CTIF: variants seen among roughly 807,000 people sequenced by gnomAD.
The protein encoded by CTIF is CBP80/20-dependent translation initiation factor.
CTIF carries 21 observed loss-of-function variants against 66.0 expected under a neutral mutation model. The observed-to-expected ratio is 0.32, with a 90% CI of 0.23 to 0.46. The LOEUF (loss-of-function observed/expected upper bound fraction) is 0.46, where lower values mean the gene tolerates loss of function less well. Among genes scored for constraint, CTIF ranks in the 20% least tolerant of loss-of-function variants. The probability of loss-of-function intolerance (pLI) is 1.00; values close to 1 mark genes in which losing one functional copy is unlikely to be tolerated. For synonymous variants in CTIF, 345 were observed against 326.4 expected (o/e 1.06, Z -0.62); for missense variants, 739 against 812.7 (o/e 0.91, Z 1.10).
chr18:48,699,552 G>T (rs1270920875), intron 6 of CTIF, among the ~76,000 whole-genome samples: 7 of 152,196 alleles, frequency 4.6e-5, no homozygotes, highest in Non-Finnish European at 8.8e-5. Flanking sequence ...ATTAACACAG[G>T]TATGACCACA....
intron 9 of CTIF, among the ~76,000 whole-genome samples, chr18:48,802,455 G>A (rs1479927223): frequency 6.6e-6 from 1 of 152,242 alleles, no homozygotes; most frequent in Non-Finnish European, 1.5e-5. Flanking sequence ...TGTCATGTCT[G>A]CATGATGACC....
At chr18:48,671,532 CTGTTCATGCCT>C (rs1020495435) in intron 6 of CTIF, among the ~76,000 whole-genome samples, 1 of 152,182 alleles carries the variant, frequency 6.6e-6, no homozygotes, top group African/African-American at 2.4e-5. Context: ...TGTTTCTTCT[CTGTTCATGCCT>C]TGGGCCTATC....
chr18:48,735,959 A>G (rs938583607), intron 7 of CTIF, among the ~76,000 whole-genome samples: 4 of 152,116 alleles, frequency 2.6e-5, no homozygotes, highest in Non-Finnish European at 5.9e-5. Flanking sequence ...GGAGTTGGAA[A>G]GGGCACACCC....
intron 1 of CTIF, among the ~76,000 whole-genome samples, chr18:48,605,755 G>A (rs955928147): frequency 6.6e-6 from 1 of 152,170 alleles, no homozygotes; most frequent in South Asian, 2.1e-4. Flanking sequence ...CCCACCATGG[G>A]CCTCTCGGAG....
intron 10 of CTIF, among the ~76,000 whole-genome samples, chr18:48,856,705 A>G (rs889350433): frequency 6.6e-6 from 1 of 152,256 alleles, no homozygotes; most frequent in African/African-American, 2.4e-5. Context: ...CAGCACGGGC[A>G]ACTCCATAGA....
intron 1 of CTIF, among the ~76,000 whole-genome samples, chr18:48,608,061 C>T (rs991936748): frequency 1.3e-5 from 2 of 152,114 alleles, no homozygotes; most frequent in African/African-American, 2.4e-5. Context: ...GTTGCTCTTT[C>T]GCAGGGGACT....
At chr18:48,851,643 GC>G (rs1555706418) in intron 10 of CTIF, among the ~76,000 whole-genome samples, 1 of 152,102 alleles carries the variant, frequency 6.6e-6, no homozygotes, top group Non-Finnish European at 1.5e-5. Context: ...ACACACCAGG[GC>G]CCCAGGCGCA....
intron 5 of CTIF, among the ~76,000 whole-genome samples, chr18:48,666,564 A>T (rs938674600): frequency 2.0e-4 from 30 of 152,180 alleles, no homozygotes; most frequent in African/African-American, 6.8e-4. Context: ...GTTGCTGGGG[A>T]GAGGCCCATC....
intron 7 of CTIF, among the ~76,000 whole-genome samples, chr18:48,756,475 T>C (rs893139531): frequency 1.3e-5 from 2 of 152,212 alleles, no homozygotes; most frequent in African/African-American, 4.8e-5. Context: ...AGTAAATAAA[T>C]ACAATTTGTT....
intron 10 of CTIF, among the ~76,000 whole-genome samples, chr18:48,835,498 G>A (rs1230500509): frequency 6.6e-6 from 1 of 152,202 alleles, no homozygotes; most frequent in Admixed American, 6.5e-5. Context: ...CTGTGAACCT[G>A]TGCAGAGGTG....
chr18:48,545,982 AGAGT>A (rs1328014852), intron 1 of CTIF, among the ~76,000 whole-genome samples: 1 of 152,196 alleles, frequency 6.6e-6, no homozygotes, highest in Non-Finnish European at 1.5e-5. Context: ...TGGAAGCATT[AGAGT>A]GAGTTAGGGG....
At chr18:48,783,297 C>T (rs924307543) in intron 9 of CTIF, among the ~76,000 whole-genome samples, 1 of 152,182 alleles carries the variant, frequency 6.6e-6, no homozygotes, top group African/African-American at 2.4e-5. Context: ...CTTGAAAAGT[C>T]GTCGACTGCC....
chr18:48,564,411 G>A (rs1269446140), intron 1 of CTIF, among the ~76,000 whole-genome samples: 1 of 152,248 alleles, frequency 6.6e-6, no homozygotes, highest in Admixed American at 6.5e-5. Context: ...GGCGGCCTTC[G>A]CTAGGCCTCT....
At position 48,818,479 on chromosome 18, in the gene CTIF, G is replaced by A. The variant is rs573673236; in HGVS notation, c.1527+1103G>A. Among the ~76,000 whole-genome samples, 4 of 152,290 alleles carry A rather than the reference G, an allele frequency of 2.6e-5. No homozygotes were observed. The East Asian group carries it at 5.8e-4, about 22-fold the overall frequency. On this transcript the variant is annotated intron_variant, in intron 10 of 11. Coordinates refer to ENST00000256413, the MANE Select transcript of CTIF (RefSeq NM_014772.3). ...AGCAAGAGTCAGTTATGTTTGAGTC[G>A]CCTGTTAGCTGTCCCTAGGGAACTG... is the stretch of plus-strand genomic sequence containing the variant.
intron 9 of CTIF, among the ~76,000 whole-genome samples, chr18:48,789,940 G>C (rs532483237): frequency 6.6e-6 from 1 of 152,302 alleles, no homozygotes; most frequent in East Asian, 1.9e-4. Flanking sequence ...TTTGCCACCT[G>C]CTACCTCATG....
At chr18:48,667,963 T>G (rs78468416) in intron 5 of CTIF, among the ~76,000 whole-genome samples, 4,317 of 152,320 alleles carry the variant, frequency 0.028, 80 homozygotes, top group African/African-American at 0.06. Flanking sequence ...ACCACTCAGT[T>G]GCCAAGGCTC....
At chr18:48,784,824 G>A (rs978529652) in intron 9 of CTIF, among the ~76,000 whole-genome samples, 2 of 152,172 alleles carry the variant, frequency 1.3e-5, no homozygotes, top group East Asian at 1.9e-4. Context: ...CAGGAGGACC[G>A]CTGGGCAGAG....
chr18:48,771,308 C>G (rs1253896361), intron 9 of CTIF, among the ~76,000 whole-genome samples: 1 of 152,202 alleles, frequency 6.6e-6, no homozygotes, highest in African/African-American at 2.4e-5. Context: ...TGTCCCACCA[C>G]CATACTGGTA....
chr18:48,607,384 G>T (rs558722520), intron 1 of CTIF, among the ~76,000 whole-genome samples: 1 of 152,344 alleles, frequency 6.6e-6, no homozygotes, highest in East Asian at 1.9e-4. Flanking sequence ...CAGAAGAGGG[G>T]CCTGCCCTCT....
Sources: allele counts gnomAD v4.1 joint callset (sites outside exome capture counted in the v4.1 genomes callset), GRCh38; gene constraint gnomAD v4.1.1; transcripts MANE v1.5; gene names NCBI Gene and HGNC (gene_info 2026-07-23, HGNC 2026-07-21).